The following NCOR1 variants were observed in gnomAD, a reference collection of about 807,000 sequenced individuals.
The protein encoded by NCOR1 is nuclear receptor corepressor 1, also known as protein phosphatase 1, regulatory subunit 109.
NCOR1 carries 63 observed loss-of-function variants against 288.1 expected under a neutral mutation model. The observed-to-expected ratio is 0.22, with a 90% CI of 0.18 to 0.27. The LOEUF (loss-of-function observed/expected upper bound fraction) is 0.27, where lower values mean the gene tolerates loss of function less well. Among genes scored for constraint, NCOR1 ranks in the 10% least tolerant of loss-of-function variants. NCOR1 has a pLI of 1.00. For synonymous variants in NCOR1, 1,007 were observed against 1,065.9 expected, an observed-to-expected ratio of 0.94 and a Z score of 1.08; for missense variants, 2,397 against 3,019.2, an observed-to-expected ratio of 0.79 and a Z score of 4.83.
intron 42 of NCOR1, among the ~76,000 whole-genome samples, chr17:16,046,511 A>C (rs2058677334): frequency 1.3e-5 from 2 of 152,238 alleles, no homozygotes; most frequent in African/African-American, 2.4e-5. Flanking sequence ...TGGTAGGGGT[A>C]CTAAGAATGA....
At chr17:16,112,149 G>C (rs577531196) in intron 18 of NCOR1, among the ~76,000 whole-genome samples, 3 of 152,248 alleles carry the variant, frequency 2.0e-5, no homozygotes, top group African/African-American at 4.8e-5. Flanking sequence ...GATTACAGGC[G>C]TGAGTCCCCA....
At chr17:16,143,542 C>G (rs1374647900) in intron 11 of NCOR1, 64 bp downstream of exon 11, 1 of 1,279,330 alleles carries the variant, frequency 7.8e-7, no homozygotes, top group Non-Finnish European at 1.1e-6. Flanking sequence ...AAACCCTTAG[C>G]TCCTACAGAG....
At chr17:16,136,698 T>C (rs1329735541) in intron 14 of NCOR1, among the ~76,000 whole-genome samples, 1 of 150,348 alleles carries the variant, frequency 6.7e-6, no homozygotes, top group Non-Finnish European at 1.5e-5. Flanking sequence ...TCCCAGCTAC[T>C]CAGGAGGCTG....
At chr17:16,151,471 A>G (rs868672981) in intron 8 of NCOR1, 4 of 704,208 alleles carry the variant, frequency 5.7e-6, no homozygotes, top group Middle Eastern at 3.0e-4. Flanking sequence ...ATTTCCCTAG[A>G]ATAGGATTTT....
chr17:16,163,074 G>A (rs1490179395), intron 5 of NCOR1, among the ~76,000 whole-genome samples: 2 of 152,102 alleles, frequency 1.3e-5, no homozygotes, highest in African/African-American at 4.8e-5. Flanking sequence ...TATAAAATGT[G>A]TAGAAGAAAA....
intron 14 of NCOR1, among the ~76,000 whole-genome samples, chr17:16,132,583 C>T (rs2153227291): frequency 1.3e-5 from 2 of 152,270 alleles, no homozygotes; most frequent in Admixed American, 1.3e-4. Context: ...GGGGTAGTCT[C>T]TATCAGAATT....
At chr17:16,092,793 G>T (rs1487830931) in intron 21 of NCOR1, among the ~76,000 whole-genome samples, 1 of 145,676 alleles carries the variant, frequency 6.9e-6, no homozygotes, top group Non-Finnish European at 1.5e-5. Flanking sequence ...CCACCTCCCG[G>T]GTTCAAGCAA....
At chr17:16,209,695 T>C (rs1360455832) in intron 1 of NCOR1, among the ~76,000 whole-genome samples, 1 of 151,118 alleles carries the variant, frequency 6.6e-6, no homozygotes, top group Non-Finnish European at 1.5e-5. Flanking sequence ...CTCACGCCTG[T>C]AATCCCAACA....
At chr17:16,078,183 A>G (rs2062836602) in intron 26 of NCOR1, among the ~76,000 whole-genome samples, 1 of 152,238 alleles carries the variant, frequency 6.6e-6, no homozygotes, top group Admixed American at 6.5e-5. Flanking sequence ...GGTGTAAAAT[A>G]GGAGTTAGAG....
chr17:16,176,402 G>A (rs1169936721), intron 3 of NCOR1, among the ~76,000 whole-genome samples: 1 of 151,958 alleles, frequency 6.6e-6, no homozygotes, highest in South Asian at 2.1e-4. Context: ...CAGAGTAGCT[G>A]GGATTATAGA....
rs72835308 is a variant in NCOR1, at chr17:16,135,481, C to T, written c.1509+1830G>A. On this transcript the variant is annotated intron_variant, in intron 14 of 45. Transcript: ENST00000268712. The stretch of plus-strand genomic sequence containing the variant: ...CTCTGATCCTCATTAGCCCTACCGA[C>T]CCATTTCACTATTCCACTTTATAAA... 1.6e-3 allele frequency among the ~76,000 whole-genome samples: 241 copies of T among 152,238 alleles called. 1 individual carries two copies. The Middle Eastern group carries it at 0.037, about 24-fold the overall frequency.
chr17:16,149,453 T>G lies in NCOR1; in HGVS notation c.907A>C (p.Arg303=). Residue 303 remains arginine (R), a splice_region_variant and synonymous_variant, in exon 9 of 46, where the codon AGG becomes CGG. Coordinates refer to ENST00000268712, the MANE Select transcript of NCOR1 (RefSeq NM_006311.4). ...AGTTAACAAGGATAGGACCTCACCCTTTGTTTTCTTGCATGATTTCTTCTT... is the reference window on the plus strand; with the variant it reads ...AGTTAACAAGGATAGGACCTCACCCGTTGTTTTCTTGCATGATTTCTTCTT... ...FKRRNHARKQ[R]EQKICQRYDQ... is the part of the protein sequence containing the mutation. 1.3e-6 allele frequency: 2 copies of G among 1,554,946 alleles called. No homozygotes were observed. The highest frequency in any genetic ancestry group is 1.8e-6 in the Non-Finnish European group (2 of 1,139,042).
chr17:16,065,084 TTGGATTTTG>T, intron 33 of NCOR1, 65 bp from the exon 34 acceptor site: 1 of 1,467,458 alleles, frequency 6.8e-7, no homozygotes, highest in Non-Finnish European at 9.3e-7. Context: ...ATACATGACT[TTGGATTTTG>T]TCTATCTCTG....
Position 16,117,868 on chromosome 17 carries a change from C to T in NCOR1, c.2055+20G>A, listed in dbSNP as rs773668244. 6.2e-7 allele frequency: 1 copy of T among 1,607,292 alleles called. No homozygotes were observed. Reference sequence around the variant, plus strand: ...AAGTAAAAAACAGTAAGTAAAGAGTCACCACCCCAATATACTCACTTTCTG... The same window carrying T: ...AAGTAAAAAACAGTAAGTAAAGAGTTACCACCCCAATATACTCACTTTCTG... On this transcript the variant is annotated intron_variant, in intron 18 of 45. Transcript: ENST00000268712.
At chr17:16,116,977 GA>G (rs1270427337) in intron 18 of NCOR1, among the ~76,000 whole-genome samples, 6 of 151,984 alleles carry the variant, frequency 3.9e-5, no homozygotes, top group Non-Finnish European at 7.4e-5. Flanking sequence ...GTCATATACT[GA>G]AAAAAAGTAA....
At position 16,064,081 on chromosome 17, in the gene NCOR1, G is replaced by A. The variant is rs776783103; in HGVS notation, c.5208C>T (p.Leu1736=). 4 of 1,613,974 alleles carry A rather than the reference G, an allele frequency of 2.5e-6. No individual in the cohort carries two copies. Among genetic ancestry groups the A allele is most frequent in the Admixed American group, 3.3e-5 (2 of 59,994 alleles). The change falls in exon 35 of 46, where the codon CTC becomes CTT. Residue 1736 remains leucine, a synonymous_variant. Coordinates refer to ENST00000268712, the MANE Select transcript of NCOR1 (RefSeq NM_006311.4). ...RERIAAASSD[L]YLRPGSEQPG... ...CCTTTCACTGACCTGGCCGCAGGTA[G>A]AGGTCGGAGGAAGCTGCAGCAATCC...
intron 1 of NCOR1, among the ~76,000 whole-genome samples, chr17:16,203,343 C>A (rs2091096913): frequency 6.6e-6 from 1 of 152,166 alleles, no homozygotes; most frequent in African/African-American, 2.4e-5. Flanking sequence ...TAGGCCCCAG[C>A]AACATGAGTT....
chr17:16,123,243 T>C (rs75769803), intron 15 of NCOR1, among the ~76,000 whole-genome samples: 2,250 of 152,332 alleles, frequency 0.015, 27 homozygotes, highest in South Asian at 0.028. Flanking sequence ...AGATTTGATA[T>C]CATCCTTTGC....
At chr17:16,153,292 C>T (rs2079158278) in intron 7 of NCOR1, 47 bp downstream of exon 7, 1 of 1,387,332 alleles carries the variant, frequency 7.2e-7, no homozygotes, top group African/African-American at 1.5e-5. Context: ...AAAACTACCA[C>T]CAAAAATTAA....
Sources: allele counts gnomAD v4.1 joint callset (sites outside exome capture counted in the v4.1 genomes callset), GRCh38; gene constraint gnomAD v4.1.1; transcripts MANE v1.5; gene names NCBI Gene and HGNC (gene_info 2026-07-23, HGNC 2026-07-21).